The following FAM131C variants were observed in gnomAD, a reference collection of about 807,000 sequenced individuals.
The protein encoded by FAM131C is family with sequence similarity 131 member C, also known as protein FAM131C.
A neutral mutation model predicts 29.8 loss-of-function variants in FAM131C; 14 were observed. That is an observed-to-expected ratio of 0.47 (90% CI 0.31 to 0.73). FAM131C has a LOEUF of 0.73. Ranked by LOEUF, FAM131C falls within the 30% of genes least tolerant of loss-of-function variation. The pLI is 0.05. For synonymous variants in FAM131C, 86 were observed against 157.8 expected (o/e 0.54, Z 3.41); for missense variants, 252 against 383.8 (o/e 0.66, Z 2.87).
intron 1 of FAM131C, among the ~76,000 whole-genome samples, chr1:16,072,566 T>C (rs1333672161): frequency 6.6e-6 from 1 of 151,954 alleles, no homozygotes; most frequent in South Asian, 2.1e-4. Flanking sequence ...CAATCGCTTG[T>C]CTAAAATGTT....
intron 1 of FAM131C, among the ~76,000 whole-genome samples, chr1:16,068,380 C>T (rs958535392): frequency 2.6e-5 from 4 of 152,216 alleles, no homozygotes; most frequent in Non-Finnish European, 4.4e-5. Flanking sequence ...GCAAGCAGTC[C>T]GTAAGCAGCA....
At chr1:16,064,133 G>C (rs191760224) in intron 1 of FAM131C, among the ~76,000 whole-genome samples, 1 of 151,238 alleles carries the variant, frequency 6.6e-6, no homozygotes, top group Non-Finnish European at 1.5e-5. Context: ...CCAGCCTCCC[G>C]TGGGACGCTG....
chr1:16,058,771 C>A, intron 6 of FAM131C, 54 bp from the exon 7 acceptor site: 11 of 1,439,424 alleles, frequency 7.6e-6, no homozygotes, highest in Non-Finnish European at 1.0e-5. Context: ...AGCTCCTCGC[C>A]CTCTCTGGGG....
chr1:16,067,245 T>C (rs2023693666), intron 1 of FAM131C, among the ~76,000 whole-genome samples: 1 of 152,112 alleles, frequency 6.6e-6, no homozygotes, highest in Non-Finnish European at 1.5e-5. Context: ...CTGGTTGCCA[T>C]GGGGACGTCA....
chr1:16,070,430 CT>C (rs2023736972), intron 1 of FAM131C, among the ~76,000 whole-genome samples: 1 of 152,182 alleles, frequency 6.6e-6, no homozygotes, highest in Non-Finnish European at 1.5e-5. Context: ...CAGGATGTGG[CT>C]TAAAACCTCT....
chr1:16,062,647 G>C, intron 2 of FAM131C, 113 bp from the exon 3 acceptor site: 1 of 1,483,698 alleles, frequency 6.7e-7, no homozygotes, highest in Non-Finnish European at 9.0e-7. Flanking sequence ...CTGGTGCTGT[G>C]TGAGGTTGGG....
intron 1 of FAM131C, among the ~76,000 whole-genome samples, chr1:16,068,747 C>T (rs894380020): frequency 6.6e-6 from 1 of 152,180 alleles, no homozygotes; most frequent in African/African-American, 2.4e-5. Flanking sequence ...AAATGGGCTC[C>T]TCCCCAGGAC....
intron 1 of FAM131C, among the ~76,000 whole-genome samples, chr1:16,064,179 C>T (rs1464537410): frequency 6.6e-6 from 1 of 152,100 alleles, no homozygotes; most frequent in Non-Finnish European, 1.5e-5. Flanking sequence ...TTCCTGCTGT[C>T]TTTGTTTCCT....
At chr1:16,069,473 T>C (rs776743118) in intron 1 of FAM131C, among the ~76,000 whole-genome samples, 14 of 152,140 alleles carry the variant, frequency 9.2e-5, no homozygotes, top group South Asian at 2.1e-4. Context: ...CGGTCTCTAA[T>C]TTCTACTCTC....
chr1:16,060,880 C>T (rs2023583069), intron 4 of FAM131C, among the ~76,000 whole-genome samples: 1 of 152,072 alleles, frequency 6.6e-6, no homozygotes. Flanking sequence ...TTAGGAAGAG[C>T]AACCCAGTTG....
rs988490321 is a variant in FAM131C at position 16,063,414 on chromosome 1, G to C, written c.138+107C>G. 3 of 875,186 alleles carry C rather than the reference G, an allele frequency of 3.4e-6. No individual in the cohort carries two copies. In the East Asian group the frequency reaches 7.9e-5, roughly 23 times the overall value. The allele number at this position is 875,186 out of a possible 1,614,324, so 54.2% of individuals were successfully genotyped here. On this transcript the variant is annotated intron_variant, in intron 2 of 6. Transcript: ENST00000375662. ...CCCCTGGTCCCACAGGGAGAAGCGG[G>C]TTTGGCAGGGAAGGAAGGAGACTGG...
At position 16,058,156 on chromosome 1, in the gene FAM131C, A is replaced by G; in HGVS notation, c.*281T>C. 4.4e-6 allele frequency: 1 copy of G among 227,568 alleles called. No homozygotes were observed. Among genetic ancestry groups the G allele is most frequent in the African/African-American group, 2.2e-5 (1 of 44,750 alleles). The allele number at this position is 227,568 out of a possible 1,614,324, so 14.1% of individuals were successfully genotyped here. On this transcript the variant is annotated 3_prime_UTR_variant, in exon 7 of 7. Transcript: ENST00000375662. ...GCCAGGCTGCCCTGGTGTCTCTGAG[A>G]GTCCGTGAGTTCCCTGAGGGCAGAC...
chr1:16,068,196 C>T (rs2023706755), intron 1 of FAM131C, among the ~76,000 whole-genome samples: 1 of 152,246 alleles, frequency 6.6e-6, no homozygotes, highest in Admixed American at 6.5e-5. Context: ...CTGAAGAGAA[C>T]GTAAGCGGCC....
intron 4 of FAM131C, among the ~76,000 whole-genome samples, chr1:16,061,564 T>C (rs1379722592): frequency 1.3e-5 from 2 of 152,006 alleles, no homozygotes; most frequent in African/African-American, 4.8e-5. Context: ...GAGTCAGCAA[T>C]GGGGGAATAT....
Position 16,058,072 on chromosome 1 carries a change from A to T in FAM131C, c.*365T>A. The T allele has an allele frequency of 5.8e-6, 1 of 172,958 alleles. No individual in the cohort carries two copies. Among genetic ancestry groups the T allele is most frequent in the Non-Finnish European group, 1.2e-5 (1 of 81,080 alleles). The allele number at this position is 172,958 out of a possible 1,614,324, so 10.7% of individuals were successfully genotyped here. A position where few individuals can be genotyped will look rare whatever the true frequency, so the allele number is the denominator to read the frequency against. ...GGCAGGGTTCCCAGACCCCACTGTAAGTGGGTCTCAGTTCTCTCCATGGCT... is the reference window on the plus strand; with the variant it reads ...GGCAGGGTTCCCAGACCCCACTGTATGTGGGTCTCAGTTCTCTCCATGGCT... On this transcript the variant is annotated 3_prime_UTR_variant, in exon 7 of 7. Transcript: ENST00000375662.
intron 1 of FAM131C, among the ~76,000 whole-genome samples, chr1:16,067,300 C>T (rs1267772470): frequency 1.3e-5 from 2 of 152,166 alleles, no homozygotes; most frequent in African/African-American, 4.8e-5. Context: ...GTTCTTCGCC[C>T]AGCTGGGACT....
intron 1 of FAM131C, among the ~76,000 whole-genome samples, chr1:16,065,986 G>C (rs562181641): frequency 6.6e-6 from 1 of 151,588 alleles, no homozygotes; most frequent in African/African-American, 2.4e-5. Flanking sequence ...TCTAACCTCC[G>C]CCTCCCAGAT....
intron 1 of FAM131C, among the ~76,000 whole-genome samples, chr1:16,071,618 C>A: frequency 6.6e-6 from 1 of 152,186 alleles, no homozygotes; most frequent in East Asian, 1.9e-4. Flanking sequence ...GGGCCCCGTC[C>A]TCTCAGGAGG....
rs201526096 is a variant in FAM131C, at chr1:16,062,532, G to A, written c.141C>T (p.Asp47=). ...GATCCCAACAGAAATCCATCTGTTT[G>A]TCCTAAAACAAGAGGAGAGAGAGGA... ...TVAPDCVIGK[D]KQMDFCWDPW... is the part of the protein sequence containing the mutation. Residue 47 remains aspartate (D), a splice_region_variant and synonymous_variant, in exon 3 of 7, where the codon GAC becomes GAT. Coordinates refer to ENST00000375662, the MANE Select transcript of FAM131C (RefSeq NM_182623.3). 3.9e-3 allele frequency: 6,210 copies of A among 1,576,516 alleles called. 10 individuals carry two copies. Among genetic ancestry groups the A allele is most frequent in the Non-Finnish European group, 4.4e-3 (5,165 of 1,161,282 alleles).
Sources: allele counts gnomAD v4.1 joint callset (sites outside exome capture counted in the v4.1 genomes callset), GRCh38; gene constraint gnomAD v4.1.1; transcripts MANE v1.5; gene names NCBI Gene and HGNC (gene_info 2026-07-23, HGNC 2026-07-21).